SAMD12: variants seen among roughly 807,000 people sequenced by gnomAD.
SAMD12 encodes sterile alpha motif domain containing 12, also known as sterile alpha motif domain-containing protein 12.
SAMD12 carries 9 observed loss-of-function variants against 15.0 expected under a neutral mutation model. The ratio of observed to expected loss-of-function variants is 0.60; its 90% CI spans 0.36 to 1.05. The LOEUF (loss-of-function observed/expected upper bound fraction) is 1.05. Ranked by LOEUF, SAMD12 falls within the 50% of genes least tolerant of loss-of-function variation. The probability of loss-of-function intolerance (pLI) is 0.01; values close to 1 mark genes in which losing one functional copy is unlikely to be tolerated. For missense variants in SAMD12, 230 were observed against 234.2 expected (o/e 0.98, Z 0.12); for synonymous variants, 86 against 90.1 (o/e 0.96, Z 0.25).
chr8:118,150,963 C>G, the SAMD12 span, among the ~76,000 whole-genome samples: 3 of 152,078 alleles, frequency 2.0e-5, no homozygotes, highest in African/African-American at 7.2e-5. Context: ...GTCCTAGCCT[C>G]TTGAGAGGAG....
the SAMD12 span, among the ~76,000 whole-genome samples, chr8:118,170,934 G>A: frequency 1.3e-5 from 2 of 152,120 alleles, no homozygotes; most frequent in Non-Finnish European, 2.9e-5. Context: ...TATCTGATAA[G>A]GGACTTGTAT....
intron 4 of SAMD12, among the ~76,000 whole-genome samples, chr8:118,371,096 A>G (rs968777589): frequency 3.9e-5 from 6 of 152,146 alleles, no homozygotes; most frequent in African/African-American, 1.4e-4. Context: ...ATCCTGTGAA[A>G]TAGATCTTAT....
intron 1 of SAMD12, among the ~76,000 whole-genome samples, chr8:118,592,064 A>T (rs1398918816): frequency 6.6e-6 from 1 of 152,206 alleles, no homozygotes; most frequent in Non-Finnish European, 1.5e-5. Context: ...GCTCATGCCT[A>T]TAATCACAGC....
At chr8:118,158,917 A>G in the SAMD12 span, among the ~76,000 whole-genome samples, 1 of 152,090 alleles carries the variant, frequency 6.6e-6, no homozygotes, top group African/African-American at 2.4e-5. Flanking sequence ...AGAGAGCTGT[A>G]CTACAGCTCA....
intron 4 of SAMD12, among the ~76,000 whole-genome samples, chr8:118,234,840 A>G (rs1812393622): frequency 6.6e-6 from 1 of 152,130 alleles, no homozygotes; most frequent in South Asian, 2.1e-4. Flanking sequence ...TTTCTATAAA[A>G]TGAAACATTA....
rs11428909 is a variant in SAMD12 at position 118,207,928 on chromosome 8, CTT to C, written c.434-10198_434-10197del. ...GAATACAAGGTCTACGTAAATACTCCTTTTTTTTTTTGTCACCTCTCAAGGAG... is the reference window on the plus strand; with the variant it reads ...GAATACAAGGTCTACGTAAATACTCCTTTTTTTTTGTCACCTCTCAAGGAG... On this transcript the variant is annotated intron_variant, in intron 4 of 4. Coordinates refer to the SAMD12 transcript ENST00000409003. Among the ~76,000 whole-genome samples, 265 of 149,678 alleles carry C rather than the reference CTT, an allele frequency of 1.8e-3. 3 individuals are homozygous for C. Among genetic ancestry groups the C allele is most frequent in the Non-Finnish European group, 1.0e-3 (68 of 67,352 alleles).
intron 4 of SAMD12, among the ~76,000 whole-genome samples, chr8:118,200,055 T>G (rs1182987426): frequency 2.0e-5 from 3 of 152,116 alleles, no homozygotes; most frequent in African/African-American, 7.2e-5. Context: ...GATCTGATGG[T>G]TTTATAACAA....
chr8:118,596,345 G>C (rs1053363677), intron 1 of SAMD12, among the ~76,000 whole-genome samples: 1 of 152,228 alleles, frequency 6.6e-6, no homozygotes, highest in African/African-American at 2.4e-5. Context: ...GGAGGCTGAA[G>C]TAATTTGTCA....
intron 4 of SAMD12, among the ~76,000 whole-genome samples, chr8:118,296,743 T>A (rs1046113419): frequency 9.8e-5 from 15 of 152,350 alleles, no homozygotes; most frequent in African/African-American, 3.4e-4. Context: ...GCATTTGCCA[T>A]CTTGTGTTAT....
At chr8:118,300,265 T>C (rs1382758165) in intron 4 of SAMD12, among the ~76,000 whole-genome samples, 1 of 152,212 alleles carries the variant, frequency 6.6e-6, no homozygotes, top group East Asian at 1.9e-4. Flanking sequence ...ATTCATCCTA[T>C]CTAGCCGTAA....
intron 3 of SAMD12, among the ~76,000 whole-genome samples, chr8:118,431,098 T>C (rs988179834): frequency 2.6e-5 from 4 of 152,188 alleles, no homozygotes; most frequent in African/African-American, 7.2e-5. Flanking sequence ...CGTTTTTAAG[T>C]AATCTAAGTC....
intron 2 of SAMD12, among the ~76,000 whole-genome samples, chr8:118,491,096 C>T (rs1467294424): frequency 1.3e-5 from 2 of 152,134 alleles, no homozygotes; most frequent in African/African-American, 2.4e-5. Context: ...TGGTGCCTGT[C>T]CACCTGTCCA....
chr8:118,166,155 T>C, the SAMD12 span, among the ~76,000 whole-genome samples: 4 of 152,234 alleles, frequency 2.6e-5, no homozygotes, highest in Non-Finnish European at 4.4e-5. Context: ...AATGATTGAC[T>C]ATTGCTGTAG....
chr8:118,358,567 A>T (rs993591718), intron 4 of SAMD12, among the ~76,000 whole-genome samples: 6 of 152,140 alleles, frequency 3.9e-5, no homozygotes, highest in Admixed American at 2.0e-4. Flanking sequence ...TTTAGCCATT[A>T]CTTTAAAAGC....
intron 4 of SAMD12, among the ~76,000 whole-genome samples, chr8:118,200,306 T>C (rs980037716): frequency 1.3e-5 from 2 of 149,636 alleles, no homozygotes; most frequent in Non-Finnish European, 2.9e-5. Flanking sequence ...GGGAGGAACA[T>C]AGAAATATTC....
chr8:118,282,189 TC>T, intron 4 of SAMD12: 1 of 422,670 alleles, frequency 2.4e-6, no homozygotes, highest in South Asian at 1.7e-5. Context: ...TTCCCTTTTT[TC>T]TTTTCTTCAG....
At chr8:118,424,350 C>T (rs955764204) in intron 3 of SAMD12, among the ~76,000 whole-genome samples, 3 of 152,026 alleles carry the variant, frequency 2.0e-5, no homozygotes, top group African/African-American at 7.2e-5. Context: ...TAATAATAGC[C>T]AATACCAACT....
the SAMD12 span, among the ~76,000 whole-genome samples, chr8:118,183,397 T>G: frequency 5.9e-5 from 9 of 152,342 alleles, no homozygotes; most frequent in African/African-American, 1.9e-4. Flanking sequence ...ATTGGGTACA[T>G]TTTTTGAAAA....
chr8:118,278,804 C>T (rs753185088), intron 4 of SAMD12, among the ~76,000 whole-genome samples: 1 of 152,054 alleles, frequency 6.6e-6, no homozygotes, highest in African/African-American at 2.4e-5. Context: ...ATCAAAGAGA[C>T]GAATATGGCA....
Sources: allele counts gnomAD v4.1 joint callset (sites outside exome capture counted in the v4.1 genomes callset), GRCh38; gene constraint gnomAD v4.1.1; transcripts MANE v1.5; gene names NCBI Gene and HGNC (gene_info 2026-07-23, HGNC 2026-07-21).